AXIN2: variants seen among roughly 807,000 people sequenced by gnomAD.
The protein encoded by AXIN2 is axin 2, also known as axin-2.
Under a neutral mutation model 74.7 loss-of-function variants are expected in AXIN2, and 21 were observed. The observed-to-expected ratio is 0.28, with a 90% CI of 0.20 to 0.40. The LOEUF (loss-of-function observed/expected upper bound fraction) is 0.40, where lower values mean the gene tolerates loss of function less well. Among genes scored for constraint, AXIN2 ranks in the 10% least tolerant of loss-of-function variants. The pLI is 1.00. For synonymous variants in AXIN2, 532 were observed against 454.9 expected (o/e 1.17, Z -2.16); for missense variants, 1,144 against 1,111.1 (o/e 1.03, Z -0.42).
chr17:65,532,063 C>G (rs2043829466), intron 10 of AXIN2, among the ~76,000 whole-genome samples: 1 of 152,184 alleles, frequency 6.6e-6, no homozygotes, highest in South Asian at 2.1e-4. Context: ...TCAGGCCCTG[C>G]AGAGATAAGG....
intron 1 of AXIN2, among the ~76,000 whole-genome samples, chr17:65,559,276 C>A (rs1422783432): frequency 6.9e-6 from 1 of 145,058 alleles, no homozygotes; most frequent in Non-Finnish European, 1.5e-5. Flanking sequence ...TTCTCCCCAC[C>A]CACCCCCTCC....
intron 2 of AXIN2, among the ~76,000 whole-genome samples, chr17:65,550,775 C>T (rs1395589975): frequency 2.0e-5 from 3 of 152,224 alleles, no homozygotes; most frequent in African/African-American, 4.8e-5. Flanking sequence ...AGTCAGCTGT[C>T]TGCACATGTT....
At position 65,552,897 on chromosome 17, in the gene AXIN2, G is replaced by A. The variant is rs142207429; in HGVS notation, c.816-3237C>T. Among the ~76,000 whole-genome samples, 1,331 of 152,020 alleles carry A rather than the reference G, an allele frequency of 8.8e-3. 16 individuals are homozygous for A. Among genetic ancestry groups the A allele is most frequent in the African/African-American group, 0.03 (1,247 of 41,460 alleles). On this transcript the variant is annotated intron_variant, in intron 2 of 10. Coordinates refer to ENST00000307078, the MANE Select transcript of AXIN2 (RefSeq NM_004655.4). ...TACAAAACTAGCCGGGCGTGGTGGC[G>A]CGTGCTTGTAATCCCAGCTACTCGG...
chr17:65,538,058 A>T, intron 5 of AXIN2, 145 bp downstream of exon 5: 1 of 1,465,936 alleles, frequency 6.8e-7, no homozygotes, highest in Non-Finnish European at 9.3e-7. Context: ...GCCCACGCCC[A>T]GGCACACACC....
Position 65,537,055 on chromosome 17 carries a change from C to G in AXIN2, c.1721G>C (p.Arg574Thr), listed in dbSNP as rs1425391968. The change falls in exon 7 of 11, where the codon AGA (arginine) becomes ACA (threonine). Residue 574 changes from arginine to threonine, a missense_variant. Transcript: ENST00000307078. ...TMPSEQFGGS[R>T]GSTLPKRNGK... ...ATTGCGTTTGGGCAAGGTACTGCCT[C>G]TGCTGCCGCTGTGGGGAACCAAGAA... 1 of 1,604,568 alleles carries G rather than the reference C, an allele frequency of 6.2e-7. No individual in the cohort carries two copies. Among genetic ancestry groups the G allele is most frequent in the East Asian group, 2.2e-5 (1 of 44,832 alleles).
rs2044310171 is a variant in AXIN2, at chr17:65,558,504, C to A, written c.117G>T (p.Gly39=). ...EEGETPPCQP[G]VGKGQVTKPM... Reference sequence around the variant, plus strand: ...GTTTGGTGACCTGGCCCTTGCCCACCCCTGGCTGACACGGTGGGGTCTCCC... The same window carrying A: ...GTTTGGTGACCTGGCCCTTGCCCACACCTGGCTGACACGGTGGGGTCTCCC... The change falls in exon 2 of 11, where the codon GGG becomes GGT. Residue 39 remains glycine (G), a synonymous_variant. Coordinates refer to ENST00000307078, the MANE Select transcript of AXIN2 (RefSeq NM_004655.4). 1 of 1,613,164 alleles carries A rather than the reference C, an allele frequency of 6.2e-7. No individual in the cohort carries two copies. Among genetic ancestry groups the A allele is most frequent in the South Asian group, 1.1e-5 (1 of 91,012 alleles).
At chr17:65,545,887 C>A (rs1053115668) in intron 3 of AXIN2, among the ~76,000 whole-genome samples, 5 of 152,168 alleles carry the variant, frequency 3.3e-5, no homozygotes, top group African/African-American at 1.2e-4. Context: ...CAACCAAGTG[C>A]AGGCCAGCAC....
chr17:65,533,677 G>T (rs892738274), intron 10 of AXIN2, among the ~76,000 whole-genome samples: 4 of 152,206 alleles, frequency 2.6e-5, no homozygotes, highest in African/African-American at 9.6e-5. Flanking sequence ...GAAAGAGCCT[G>T]GCCAGGTCCC....
intron 10 of AXIN2, among the ~76,000 whole-genome samples, chr17:65,533,683 GT>G (rs1361825651): frequency 6.6e-6 from 1 of 152,160 alleles, no homozygotes; most frequent in Non-Finnish European, 1.5e-5. Flanking sequence ...GCCTGGCCAG[GT>G]CCCCCAGAGA....
Position 65,537,442 on chromosome 17 carries a change from C to G in AXIN2, c.1594G>C (p.Glu532Gln). Residue 532 changes from glutamate (E) to glutamine (Q), a missense_variant, in exon 6 of 11, where the codon GAG (glutamate) becomes CAG (glutamine). Physicochemically the swap from Glu to Gln is conservative, Grantham distance 29 (BLOSUM62 2). Around this residue, in one of 4 missense-constraint regions of AXIN2, gnomAD observed 1,053 missense variants for 973.5 expected, o/e 1.08. Coordinates refer to ENST00000307078, the MANE Select transcript of AXIN2 (RefSeq NM_004655.4). ...TGCACCCGCTGCGTGGCCTCCGCCT[C>G]GATCTCCTCCTTGGTCTTGGGGACG... ...HAVPKTKEEIEAEATQRVHCF... is the reference protein window; with the variant it reads ...HAVPKTKEEIQAEATQRVHCF... 6.2e-7 allele frequency: 1 copy of G among 1,614,008 alleles called. No individual in the cohort carries two copies. The highest frequency in any genetic ancestry group is 8.5e-7 in the Non-Finnish European group (1 of 1,180,024).
intron 3 of AXIN2, among the ~76,000 whole-genome samples, chr17:65,541,870 G>A (rs1340621120): frequency 6.6e-6 from 1 of 152,232 alleles, no homozygotes; most frequent in Non-Finnish European, 1.5e-5. Context: ...AGCCAGCCCA[G>A]GCAGAGCAAA....
chr17:65,554,932 G>A (rs1421342989), intron 2 of AXIN2, among the ~76,000 whole-genome samples: 1 of 152,216 alleles, frequency 6.6e-6, no homozygotes, highest in East Asian at 1.9e-4. Context: ...GTGTCTGTGT[G>A]CCGGGGATTT....
rs369376937 is a variant in AXIN2 at position 65,532,669 on chromosome 17, G to A, written c.2405+1243C>T. 2.7e-4 allele frequency among the ~76,000 whole-genome samples: 41 copies of A among 152,046 alleles called. 1 individual carries two copies. The highest frequency in any genetic ancestry group is 1.1e-3 in the Admixed American group (17 of 15,280). ...ATACAAGGCCTGCTCTAGAGGGGAG[G>A]GTGTCTCAGAGCCCTGCAGGTGGAC... is the stretch of plus-strand genomic sequence containing the variant. On this transcript the variant is annotated intron_variant, in intron 10 of 10. Coordinates refer to ENST00000307078, the MANE Select transcript of AXIN2 (RefSeq NM_004655.4).
chr17:65,533,969 G>A lies in AXIN2; in HGVS notation c.2348C>T (p.Ala783Val), dbSNP rs1484466355. The A allele has an allele frequency of 6.2e-7, 1 of 1,614,084 alleles. No homozygotes were observed. The highest frequency in any genetic ancestry group is 1.3e-5 in the African/African-American group (1 of 74,930). The change falls in exon 10 of 11, where the codon GCT becomes GTT. Residue 783 changes from alanine to valine, a missense_variant. Transcript: ENST00000307078. ...EEIPYRRMLKAQSLTLGHFKE... is the reference protein window; with the variant it reads ...EEIPYRRMLKVQSLTLGHFKE... ...AAAGTGGCCCAGGGTCAAGCTCTGA[G>A]CCTTCAGCATCCTCCGGTATGGAAT...
chr17:65,538,988 G>T (rs1035641182), intron 4 of AXIN2, among the ~76,000 whole-genome samples: 1 of 152,054 alleles, frequency 6.6e-6, no homozygotes, highest in Non-Finnish European at 1.5e-5. Context: ...AGAAAATGAA[G>T]AAAGCTGCTG....
At chr17:65,531,398 A>G (rs1007746108) in intron 10 of AXIN2, among the ~76,000 whole-genome samples, 1 of 151,520 alleles carries the variant, frequency 6.6e-6, no homozygotes, top group African/African-American at 2.4e-5. Context: ...CACTGAAGAC[A>G]CGTCATGTCA....
chr17:65,545,399 A>G (rs1430163779), intron 3 of AXIN2, among the ~76,000 whole-genome samples: 10 of 152,070 alleles, frequency 6.6e-5, no homozygotes, highest in Non-Finnish European at 1.5e-4. Flanking sequence ...CGTTAAAAAA[A>G]TTTTTTTTGG....
intron 2 of AXIN2, 99 bp downstream of exon 2, chr17:65,557,707 C>T (rs2044288504): frequency 7.9e-7 from 1 of 1,268,242 alleles, no homozygotes; most frequent in African/African-American, 1.5e-5. Context: ...ACTCAACAGA[C>T]CTGTCAGTCT....
rs554690754 is a variant in AXIN2 at position 65,529,098 on chromosome 17, A to T, written c.*878T>A. The T allele has an allele frequency of 4.3e-6, 1 of 234,754 alleles. No homozygotes were observed. Among genetic ancestry groups the T allele is most frequent in the Non-Finnish European group, 8.4e-6 (1 of 119,204 alleles). The allele number at this position is 234,754 out of a possible 1,614,324, so 14.5% of individuals were successfully genotyped here. On this transcript the variant is annotated 3_prime_UTR_variant, in exon 11 of 11. Transcript: ENST00000307078. Reference sequence around the variant, plus strand: ...GTAAAACAAAAACAGAAACAAAAAAAACAAGGAACTGTCATTTCCACGAAA... The same window carrying T: ...GTAAAACAAAAACAGAAACAAAAAATACAAGGAACTGTCATTTCCACGAAA...
Sources: gnomAD v4.1 joint callset for allele counts (sites outside exome capture counted in the v4.1 genomes callset) on GRCh38, gnomAD v4.1.1 for gene constraint, gnomAD v4.1.1 regional missense constraint, MANE v1.5 for transcripts, NCBI Gene and HGNC (gene_info 2026-07-23, HGNC 2026-07-21) for gene names.